Variants in PCDH15 observed in about 807,000 individuals in gnomAD.
PCDH15 encodes the protein protocadherin-15.
A neutral mutation model predicts 178.5 loss-of-function variants in PCDH15; 129 were observed. The observed-to-expected ratio is 0.72, with a 90% CI of 0.63 to 0.84. The LOEUF is 0.84. Among genes scored for constraint, PCDH15 ranks in the 40% least tolerant of loss-of-function variants. The probability of loss-of-function intolerance (pLI) is 0.00; values close to 1 mark genes in which losing one functional copy is unlikely to be tolerated. For missense variants in PCDH15, 2,230 were observed against 2,099.9 expected (o/e 1.06, Z -1.21); for synonymous variants, 800 against 732.0 (o/e 1.09, Z -1.50).
chr10:54,643,992 C>T (rs1392620531), intron 2 of PCDH15, among the ~76,000 whole-genome samples: 6 of 116,476 alleles, frequency 5.2e-5, no homozygotes, highest in Admixed American at 1.9e-4. Flanking sequence ...CAACAGTCCC[C>T]AGAGTGTGAT....
intron 18 of PCDH15, among the ~76,000 whole-genome samples, chr10:54,049,735 C>A (rs180917415): frequency 6.6e-6 from 1 of 152,178 alleles, no homozygotes; most frequent in Non-Finnish European, 1.5e-5. Flanking sequence ...ATTCTCCTGC[C>A]TCAGCCTCCC....
At chr10:54,750,343 A>C (rs986701352) in intron 1 of PCDH15, among the ~76,000 whole-genome samples, 1 of 152,116 alleles carries the variant, frequency 6.6e-6, no homozygotes, top group African/African-American at 2.4e-5. Flanking sequence ...TTAAACAGTA[A>C]ATAATTAACT....
chr10:54,417,959 G>A lies in PCDH15; in HGVS notation c.158-39017C>T, dbSNP rs1246683598. ...ATTATTTTGCCCAGGCTAAAATGCAGTAGCTATTCAAAGGTGCAATAAAGT... is the reference window on the plus strand; with the variant it reads ...ATTATTTTGCCCAGGCTAAAATGCAATAGCTATTCAAAGGTGCAATAAAGT... On this transcript the variant is annotated intron_variant, in intron 3 of 37. Coordinates refer to ENST00000644397, the MANE Select transcript of PCDH15 (RefSeq NM_001384140.1). Among the ~76,000 whole-genome samples, 7 of 152,034 alleles carry A rather than the reference G, an allele frequency of 4.6e-5. No individual in the cohort carries two copies. The East Asian group carries it at 1.2e-3, about 25-fold the overall frequency.
chr10:53,851,040 T>C (rs2078323966), intron 28 of PCDH15, among the ~76,000 whole-genome samples: 1 of 152,122 alleles, frequency 6.6e-6, no homozygotes, highest in Non-Finnish European at 1.5e-5. Flanking sequence ...TACCATGATA[T>C]CTATATTTTA....
intron 8 of PCDH15, among the ~76,000 whole-genome samples, chr10:54,247,556 C>T (rs2056074200): frequency 6.6e-6 from 1 of 151,862 alleles, no homozygotes; most frequent in African/African-American, 2.4e-5. Flanking sequence ...TAAATTGCTG[C>T]ATTTAACTAC....
At chr10:54,872,640 C>A (rs1229156354) in intron 3 of PCDH15, among the ~76,000 whole-genome samples, 1 of 151,952 alleles carries the variant, frequency 6.6e-6, no homozygotes, top group Non-Finnish European at 1.5e-5. Context: ...TCATTTTTGG[C>A]TTTATGGTAA....
intron 2 of PCDH15, among the ~76,000 whole-genome samples, chr10:55,418,473 C>G (rs763963187): frequency 6.6e-6 from 1 of 151,672 alleles, no homozygotes; most frequent in Non-Finnish European, 1.5e-5. Flanking sequence ...AAAATAGGAA[C>G]TGCAAACACC....
chr10:54,879,299 T>C (rs1227956813), intron 3 of PCDH15, among the ~76,000 whole-genome samples: 2 of 152,046 alleles, frequency 1.3e-5, no homozygotes, highest in Non-Finnish European at 2.9e-5. Context: ...TAATTCATCA[T>C]TTTCTCAATG....
intron 3 of PCDH15, among the ~76,000 whole-genome samples, chr10:54,846,886 G>A (rs1487015691): frequency 3.9e-5 from 6 of 152,126 alleles, no homozygotes; most frequent in Admixed American, 3.9e-4. Context: ...AGATGCGGAT[G>A]TTACACTGCA....
At chr10:54,120,710 T>C (rs1474003637) in intron 15 of PCDH15, among the ~76,000 whole-genome samples, 1 of 152,116 alleles carries the variant, frequency 6.6e-6, no homozygotes, top group Non-Finnish European at 1.5e-5. Context: ...AGGAACTACA[T>C]AATGATAAAG....
chr10:54,671,724 A>G (rs2094677154), intron 1 of PCDH15, among the ~76,000 whole-genome samples: 1 of 152,218 alleles, frequency 6.6e-6, no homozygotes, highest in Non-Finnish European at 1.5e-5. Context: ...GCTTTATGAG[A>G]AAAACTAAAT....
intron 1 of PCDH15, among the ~76,000 whole-genome samples, chr10:55,199,825 G>C (rs1298803024): frequency 6.6e-6 from 1 of 152,084 alleles, no homozygotes; most frequent in Non-Finnish European, 1.5e-5. Context: ...ATTGCACCAG[G>C]GGGTGCAAGC....
intron 2 of PCDH15, among the ~76,000 whole-genome samples, chr10:55,094,321 C>G (rs1045395165): frequency 2.4e-4 from 36 of 151,646 alleles, no homozygotes; most frequent in Admixed American, 1.4e-3. Flanking sequence ...TGTTCTCACT[C>G]ATAGGTGGGA....
At chr10:54,522,506 G>A (rs2082981963) in intron 3 of PCDH15, among the ~76,000 whole-genome samples, 1 of 152,074 alleles carries the variant, frequency 6.6e-6, no homozygotes, top group Admixed American at 6.6e-5. Context: ...ATGCAGTTTT[G>A]CTCTAATGTA....
Position 54,255,351 on chromosome 10 carries a change from T to A in PCDH15, c.877-18420A>T, listed in dbSNP as rs1564799968. 2.0e-5 allele frequency among the ~76,000 whole-genome samples: 3 copies of A among 152,170 alleles called. No individual in the cohort carries two copies. In the East Asian group the frequency reaches 5.8e-4, roughly 29 times the overall value. ...TGCTGAAATAATTCTTTGCATTGCA[T>A]TTTCATTTACATTATGCTGACCAGT... On this transcript the variant is annotated intron_variant, in intron 8 of 37. Coordinates refer to ENST00000644397, the MANE Select transcript of PCDH15 (RefSeq NM_001384140.1).
chr10:54,062,252 A>AAAAAAAAAAAAAAAAAAT, intron 18 of PCDH15, among the ~76,000 whole-genome samples: 1 of 72,222 alleles, frequency 1.4e-5, no homozygotes, highest in South Asian at 4.0e-4. Flanking sequence ...AAAAAAAAAA[A>AAAAAAAAAAAAAAAAAAT]CAAAAAACAA....
intron 2 of PCDH15, among the ~76,000 whole-genome samples, chr10:54,949,182 C>T (rs2131872271): frequency 6.6e-6 from 1 of 151,978 alleles, no homozygotes; most frequent in South Asian, 2.1e-4. Context: ...AAAGAACTGC[C>T]TGAGACTGGG....
At chr10:53,822,787 T>G in intron 32 of PCDH15, 3 of 1,614,122 alleles carry the variant, frequency 1.9e-6, no homozygotes, top group Non-Finnish European at 2.5e-6. Context: ...GTTCCTTCTA[T>G]CATCAGTGTT....
At chr10:54,834,623 A>C (rs1953284095) in intron 3 of PCDH15, among the ~76,000 whole-genome samples, 1 of 152,184 alleles carries the variant, frequency 6.6e-6, no homozygotes, top group South Asian at 2.1e-4. Context: ...AGAAAAAATA[A>C]TTCTCTCTAT....
Sources: allele counts gnomAD v4.1 joint callset (sites outside exome capture counted in the v4.1 genomes callset), GRCh38; gene constraint gnomAD v4.1.1; transcripts MANE v1.5; gene names NCBI Gene and HGNC (gene_info 2026-07-23, HGNC 2026-07-21).